PTPRK: variants seen among roughly 807,000 people sequenced by gnomAD.
PTPRK encodes the protein receptor-type tyrosine-protein phosphatase kappa.
PTPRK carries 75 observed loss-of-function variants against 178.0 expected under a neutral mutation model. That is an observed-to-expected ratio of 0.42 (90% confidence interval 0.35 to 0.51). The LOEUF (loss-of-function observed/expected upper bound fraction) is 0.51, where lower values mean the gene tolerates loss of function less well. Ranked by LOEUF, PTPRK falls within the 20% of genes least tolerant of loss-of-function variation. PTPRK has a pLI of 0.02. For synonymous variants in PTPRK, 637 were observed against 620.6 expected (o/e 1.03, Z -0.39); for missense variants, 1,441 against 1,797.8 (o/e 0.80, Z 3.59).
chr6:128,430,856 T>C (rs1163569109), intron 1 of PTPRK, among the ~76,000 whole-genome samples: 1 of 152,026 alleles, frequency 6.6e-6, no homozygotes, highest in Non-Finnish European at 1.5e-5. Flanking sequence ...ACATACCTAG[T>C]GTCTTCCAAA....
At chr6:128,364,283 T>C (rs1835174538) in intron 2 of PTPRK, among the ~76,000 whole-genome samples, 1 of 152,082 alleles carries the variant, frequency 6.6e-6, no homozygotes, top group African/African-American at 2.4e-5. Flanking sequence ...CATTCTCAAC[T>C]TTAAGTTTCA....
chr6:128,390,924 C>T (rs541118664), intron 2 of PTPRK, among the ~76,000 whole-genome samples: 1 of 152,078 alleles, frequency 6.6e-6, no homozygotes, highest in South Asian at 2.1e-4. Flanking sequence ...CTTGAGTCTG[C>T]AACATCATTG....
Position 127,985,817 on chromosome 6 carries a change from T to C in PTPRK, c.3155A>G (p.His1052Arg), listed in dbSNP as rs996017827. The C allele has an allele frequency of 3.7e-6, 6 of 1,613,896 alleles. No individual in the cohort carries two copies. The highest frequency in any genetic ancestry group is 2.2e-5 in the East Asian group (1 of 44,878). Residue 1052 changes from histidine to arginine, a missense_variant, in exon 22 of 30, where the codon CAT becomes CGT. His to Arg is a conservative substitution (Grantham distance 29). Transcript: ENST00000368226. ...KQFHFTGWPD[H>R]GVPYHATGLL... is the part of the protein sequence containing the mutation. Reference sequence around the variant, plus strand: ...CCCTGTAGCATGGTAGGGCACTCCATGGTCAGGCCAGCCCGTGAAATGGAA... The same window carrying C: ...CCCTGTAGCATGGTAGGGCACTCCACGGTCAGGCCAGCCCGTGAAATGGAA...
intron 1 of PTPRK, among the ~76,000 whole-genome samples, chr6:128,425,619 C>A (rs1311546286): frequency 6.6e-6 from 1 of 152,060 alleles, no homozygotes; most frequent in Non-Finnish European, 1.5e-5. Flanking sequence ...CAGGTTAGAC[C>A]AACATTACCT....
intron 3 of PTPRK, among the ~76,000 whole-genome samples, chr6:128,319,649 C>T (rs975769831): frequency 9.2e-5 from 14 of 152,212 alleles, no homozygotes; most frequent in Non-Finnish European, 1.3e-4. Flanking sequence ...ACCTAAAACA[C>T]CAATCAAAAA....
chr6:128,285,752 A>G (rs1209497653), intron 3 of PTPRK, among the ~76,000 whole-genome samples: 3 of 152,080 alleles, frequency 2.0e-5, no homozygotes, highest in African/African-American at 7.2e-5. Context: ...ATGAGCCTAG[A>G]TTGTGACACT....
intron 6 of PTPRK, among the ~76,000 whole-genome samples, chr6:128,210,600 G>A (rs1203214600): frequency 6.6e-6 from 1 of 152,082 alleles, no homozygotes; most frequent in African/African-American, 2.4e-5. Flanking sequence ...GGCTTTGCCT[G>A]CTGTGGATCA....
intron 3 of PTPRK, among the ~76,000 whole-genome samples, chr6:128,275,004 GAGAAGAAA>G (rs1169254147): frequency 6.6e-6 from 1 of 151,816 alleles, no homozygotes; most frequent in African/African-American, 2.4e-5. Context: ...TGTTTCCAAA[GAGAAGAAA>G]AAAATAAATC....
intron 7 of PTPRK, among the ~76,000 whole-genome samples, chr6:128,119,040 T>A (rs1792021619): frequency 6.6e-6 from 1 of 152,158 alleles, no homozygotes; most frequent in Admixed American, 6.5e-5. Flanking sequence ...ATAAATCAGC[T>A]GTTTCTGAAA....
chr6:128,267,362 T>C (rs999649560), intron 3 of PTPRK, among the ~76,000 whole-genome samples: 4 of 152,132 alleles, frequency 2.6e-5, no homozygotes, highest in Admixed American at 2.0e-4. Flanking sequence ...TTGACTGCTG[T>C]ATCATTTAAA....
chr6:128,431,837 TA>T (rs1192269897), intron 1 of PTPRK, among the ~76,000 whole-genome samples: 1 of 152,178 alleles, frequency 6.6e-6, no homozygotes, highest in African/African-American at 2.4e-5. Context: ...TCCAAATGAA[TA>T]ACGGTTTGCC....
At chr6:128,367,581 C>T (rs1448052461) in intron 2 of PTPRK, among the ~76,000 whole-genome samples, 3 of 152,148 alleles carry the variant, frequency 2.0e-5, no homozygotes, top group African/African-American at 7.2e-5. Flanking sequence ...AGTTTGCTTT[C>T]TTAGCTTCCA....
Position 127,976,873 on chromosome 6 carries a change from A to C in PTPRK, c.3843+50T>G, listed in dbSNP as rs138792006. The C allele has an allele frequency of 8.6e-4, 1,378 of 1,611,400 alleles. 1 individual carries two copies. The highest frequency in any genetic ancestry group is 9.9e-4 in the Middle Eastern group (6 of 6,040). ...AAGCAGATTTTAGCAATTCATTACT[A>C]CTCTATTAAGTTGTATATAAGTACA... is the stretch of plus-strand genomic sequence containing the variant. On this transcript the variant is annotated intron_variant, in intron 26 of 29. Transcript: ENST00000368226.
chr6:128,015,965 A>G (rs1779545941), intron 13 of PTPRK, among the ~76,000 whole-genome samples: 2 of 151,884 alleles, frequency 1.3e-5, no homozygotes, highest in Admixed American at 6.6e-5. Flanking sequence ...AATGTAATAC[A>G]TATTTGATTA....
chr6:128,426,309 T>C (rs1428328966), intron 1 of PTPRK, among the ~76,000 whole-genome samples: 1 of 152,214 alleles, frequency 6.6e-6, no homozygotes, highest in Non-Finnish European at 1.5e-5. Context: ...AAAGCTCCCC[T>C]TGAGGTCTCT....
chr6:128,500,779 T>C (rs1276551808), intron 1 of PTPRK: 1 of 152,234 alleles, frequency 6.6e-6, no homozygotes, highest in Non-Finnish European at 1.5e-5. Context: ...CATTTTGTTT[T>C]GCACAGTCTG....
At chr6:128,257,228 CAAAAA>C (rs748718428) in intron 3 of PTPRK, among the ~76,000 whole-genome samples, 1 of 120,984 alleles carries the variant, frequency 8.3e-6, no homozygotes, top group African/African-American at 3.1e-5. Context: ...AAACTCCATC[CAAAAA>C]AAAAAAAAAG....
intron 1 of PTPRK, among the ~76,000 whole-genome samples, chr6:128,479,997 GCCTT>G (rs1851856029): frequency 6.6e-6 from 1 of 152,024 alleles, no homozygotes; most frequent in Non-Finnish European, 1.5e-5. Context: ...GATTCCCTTT[GCCTT>G]TCCCATTTCT....
chr6:128,517,789 G>C (rs1858308676), intron 1 of PTPRK, among the ~76,000 whole-genome samples: 1 of 152,206 alleles, frequency 6.6e-6, no homozygotes, highest in South Asian at 2.1e-4. Flanking sequence ...TAATGAGTAT[G>C]ATTTGAAAGA....
Sources: gnomAD v4.1 joint callset for allele counts (sites outside exome capture counted in the v4.1 genomes callset) on GRCh38, gnomAD v4.1.1 for gene constraint, MANE v1.5 for transcripts, NCBI Gene and HGNC (gene_info 2026-07-23, HGNC 2026-07-21) for gene names.